The following FAF1 variants were observed in gnomAD, a reference collection of about 807,000 sequenced individuals.
FAF1 encodes the protein FAS-associated factor 1.
In FAF1, 25 loss-of-function variants were observed where a neutral mutation model predicts 92.5. The observed-to-expected ratio is 0.27, with a 90% CI of 0.20 to 0.38. FAF1 has a LOEUF of 0.38. Ranked by LOEUF, FAF1 falls within the 10% of genes least tolerant of loss-of-function variation. The pLI, the probability that FAF1 is intolerant of heterozygous loss-of-function variation, is 1.00. For synonymous variants in FAF1, 234 were observed against 273.2 expected, an observed-to-expected ratio of 0.86 and a Z score of 1.42; for missense variants, 636 against 793.3, an observed-to-expected ratio of 0.80 and a Z score of 2.38.
intron 7 of FAF1, among the ~76,000 whole-genome samples, chr1:50,692,671 A>G (rs1656992579): frequency 6.6e-6 from 1 of 152,190 alleles, no homozygotes; most frequent in Admixed American, 6.5e-5. Context: ...CATGATCTCT[A>G]TCCATGTATT....
intron 2 of FAF1, among the ~76,000 whole-genome samples, chr1:50,847,205 G>A (rs1644308763): frequency 6.6e-6 from 1 of 151,992 alleles, no homozygotes; most frequent in Non-Finnish European, 1.5e-5. Flanking sequence ...AATAAAAATT[G>A]AAGACTAATG....
chr1:50,942,144 G>GTTATATATAAAATAT (rs1231675014), intron 1 of FAF1, among the ~76,000 whole-genome samples: 1 of 152,134 alleles, frequency 6.6e-6, no homozygotes, highest in Non-Finnish European at 1.5e-5. Context: ...TTACAAATTA[G>GTTATATATAAAATAT]ATGGCATATA....
intron 1 of FAF1, among the ~76,000 whole-genome samples, chr1:50,878,124 T>C (rs1232729971): frequency 1.3e-5 from 2 of 152,224 alleles, no homozygotes; most frequent in Non-Finnish European, 2.9e-5. Flanking sequence ...TCTTCAGACA[T>C]ACAAAAGACC....
At chr1:50,578,819 T>C (rs1650867614) in intron 12 of FAF1, among the ~76,000 whole-genome samples, 1 of 152,170 alleles carries the variant, frequency 6.6e-6, no homozygotes, top group South Asian at 2.1e-4. Context: ...CTTGATGACT[T>C]CAATAAATGA....
At chr1:50,926,272 CACTT>C (rs1336713076) in intron 1 of FAF1, among the ~76,000 whole-genome samples, 3 of 152,076 alleles carry the variant, frequency 2.0e-5, no homozygotes, top group Non-Finnish European at 4.4e-5. Flanking sequence ...GAAATCCTAT[CACTT>C]GCAGCAACAT....
chr1:50,686,545 A>AGAAGAGGAGGGGAGGGGAGG (rs1426270952), intron 7 of FAF1, among the ~76,000 whole-genome samples: 1 of 139,086 alleles, frequency 7.2e-6, no homozygotes, highest in Non-Finnish European at 1.6e-5. Flanking sequence ...TCTATCTCAA[A>AGAAGAGGAGGGGAGGGGAGG]GAAGAGGAGG....
At chr1:50,845,505 TGTACA>T (rs1644290871) in intron 2 of FAF1, among the ~76,000 whole-genome samples, 1 of 152,052 alleles carries the variant, frequency 6.6e-6, no homozygotes, top group Admixed American at 6.6e-5. Context: ...CCCACCACCA[TGTACA>T]GTCTGTCCAT....
chr1:50,493,916 C>A (rs940636305), intron 15 of FAF1, among the ~76,000 whole-genome samples: 4 of 152,156 alleles, frequency 2.6e-5, no homozygotes, highest in African/African-American at 9.7e-5. Flanking sequence ...GCCCTATGAT[C>A]ACAAATACAG....
chr1:50,942,637 C>T (rs1645142552), intron 1 of FAF1, among the ~76,000 whole-genome samples: 1 of 152,148 alleles, frequency 6.6e-6, no homozygotes, highest in South Asian at 2.1e-4. Context: ...AAGCTAACAA[C>T]CTGGCCTGTT....
At chr1:50,924,407 G>C (rs1644988262) in intron 1 of FAF1, among the ~76,000 whole-genome samples, 1 of 151,790 alleles carries the variant, frequency 6.6e-6, no homozygotes. Flanking sequence ...ACTAATAAAA[G>C]AGATTGAAGA....
chr1:50,895,097 G>C (rs1644748160), intron 1 of FAF1, among the ~76,000 whole-genome samples: 1 of 151,808 alleles, frequency 6.6e-6, no homozygotes, highest in African/African-American at 2.4e-5. Context: ...ACTAAAAGCT[G>C]GTTTTTAGAA....
At chr1:50,534,490 C>T (rs765942331) in intron 15 of FAF1, among the ~76,000 whole-genome samples, 24 of 151,992 alleles carry the variant, frequency 1.6e-4, no homozygotes, top group Admixed American at 6.6e-4. Context: ...ACCATGTTGG[C>T]CAAGCTAGTC....
chr1:50,441,200 G>T lies in FAF1; in HGVS notation c.*240C>A, dbSNP rs150683021. The T allele has an allele frequency of 2.9e-3, 1,192 of 410,528 alleles. 24 individuals carry two copies. In the Admixed American group the frequency reaches 0.029, roughly 10 times the overall value. 25.4% of individuals were successfully genotyped at this position (410,528 alleles called of 1,614,324 possible). A position where few individuals can be genotyped will look rare whatever the true frequency, so the allele number is the denominator to read the frequency against. ...GTCATTGAAGGAGGGTGAAGTGCAGGGGGTAGGGGAGGGTGGCAGAGTTGT... is the reference window on the plus strand; with the variant it reads ...GTCATTGAAGGAGGGTGAAGTGCAGTGGGTAGGGGAGGGTGGCAGAGTTGT... On this transcript the variant is annotated 3_prime_UTR_variant, in exon 19 of 19. Coordinates refer to ENST00000396153, the MANE Select transcript of FAF1 (RefSeq NM_007051.3).
At chr1:50,678,811 T>G (rs59136667) in intron 7 of FAF1, among the ~76,000 whole-genome samples, 6,017 of 114,862 alleles carry the variant, frequency 0.052, 461 homozygotes, top group African/African-American at 0.19. Flanking sequence ...AAAAGGCCAG[T>G]CATGGTGGCT....
chr1:50,895,726 G>A (rs1248365924), intron 1 of FAF1, among the ~76,000 whole-genome samples: 1 of 152,012 alleles, frequency 6.6e-6, no homozygotes, highest in African/African-American at 2.4e-5. Context: ...GAGATGCAAG[G>A]GTGGTTCAAT....
chr1:50,490,704 T>A, intron 16 of FAF1, 39 bp from the exon 17 acceptor site: 2 of 1,165,970 alleles, frequency 1.7e-6, no homozygotes, highest in Non-Finnish European at 2.6e-6. Flanking sequence ...ACTTAACACA[T>A]ACTTGTTTAC....
intron 17 of FAF1, among the ~76,000 whole-genome samples, chr1:50,476,680 C>T (rs1171738596): frequency 6.6e-6 from 1 of 151,928 alleles, no homozygotes; most frequent in Non-Finnish European, 1.5e-5. Flanking sequence ...ATGAAATTCA[C>T]AGCCTTAACA....
At chr1:50,444,813 G>C (rs534409176) in intron 18 of FAF1, among the ~76,000 whole-genome samples, 1 of 152,200 alleles carries the variant, frequency 6.6e-6, no homozygotes, top group Admixed American at 6.5e-5. Context: ...TCTTGCCCAA[G>C]GCTGCAGACA....
intron 15 of FAF1, among the ~76,000 whole-genome samples, chr1:50,529,780 T>C (rs1648043257): frequency 6.6e-6 from 1 of 152,210 alleles, no homozygotes; most frequent in Non-Finnish European, 1.5e-5. Flanking sequence ...GTTGTAAGCC[T>C]AAGGACCTTG....
Sources: gnomAD v4.1 joint callset for allele counts (sites outside exome capture counted in the v4.1 genomes callset) on GRCh38, gnomAD v4.1.1 for gene constraint, MANE v1.5 for transcripts, NCBI Gene and HGNC (gene_info 2026-07-23, HGNC 2026-07-21) for gene names.